The following MTOR variants were observed in gnomAD, a reference collection of about 807,000 sequenced individuals.
The protein encoded by MTOR is serine/threonine-protein kinase mTOR.
MTOR carries 70 observed loss-of-function variants against 319.8 expected under a neutral mutation model. The observed-to-expected ratio is 0.22, with a 90% confidence interval of 0.18 to 0.27. The LOEUF (loss-of-function observed/expected upper bound fraction) is 0.27. MTOR is among the 10% of genes least tolerant of loss of function. The probability of loss-of-function intolerance (pLI) is 1.00; values close to 1 mark genes in which losing one functional copy is unlikely to be tolerated. For synonymous variants in MTOR, 1,183 were observed against 1,211.4 expected, an observed-to-expected ratio of 0.98 and a Z score of 0.49; for missense variants, 1,890 against 3,274.4, an observed-to-expected ratio of 0.58 and a Z score of 10.32.
intron 28 of MTOR, among the ~76,000 whole-genome samples, chr1:11,180,062 C>A (rs973355910): frequency 2.6e-5 from 4 of 152,118 alleles, no homozygotes; most frequent in Non-Finnish European, 5.9e-5. Flanking sequence ...CAAGCGCATG[C>A]CATCATGCCC....
At chr1:11,161,507 C>T (rs1644476730) in intron 29 of MTOR, among the ~76,000 whole-genome samples, 2 of 152,158 alleles carry the variant, frequency 1.3e-5, no homozygotes, top group Admixed American at 6.5e-5. Context: ...CTCTGACCCC[C>T]CAGTAGCCTA....
At chr1:11,245,349 TC>T in intron 8 of MTOR, among the ~76,000 whole-genome samples, 1 of 152,188 alleles carries the variant, frequency 6.6e-6, no homozygotes, top group East Asian at 1.9e-4. Flanking sequence ...AAACCACACA[TC>T]CCTTAGGAAG....
intron 28 of MTOR, among the ~76,000 whole-genome samples, chr1:11,193,394 G>T (rs1353311580): frequency 1.3e-5 from 2 of 152,124 alleles, no homozygotes; most frequent in Non-Finnish European, 2.9e-5. Flanking sequence ...TTCTTCCAGA[G>T]CAATGCACCA....
chr1:11,237,699 T>C (rs1367988378), intron 13 of MTOR, 144 bp downstream of exon 13: 4 of 810,972 alleles, frequency 4.9e-6, no homozygotes, highest in South Asian at 3.4e-5. Flanking sequence ...GGGAAACATT[T>C]GGACCTTTGC....
rs1440257956 is a variant in MTOR, at chr1:11,108,256, T to C, written c.7559A>G (p.Asp2520Gly). 1.9e-6 allele frequency: 3 copies of C among 1,613,916 alleles called. No homozygotes were observed. The highest frequency in any genetic ancestry group is 2.5e-6 in the Non-Finnish European group (3 of 1,179,840). The change falls in exon 57 of 58, where the codon GAT becomes GGT. Residue 2520 changes from aspartate (D) to glycine (G), a missense_variant. Coordinates refer to ENST00000361445, the MANE Select transcript of MTOR (RefSeq NM_004958.4). ...GRDFSHDDTL[D>G]VPTQVELLIK... Reference sequence around the variant, plus strand: ...GAGCAGCTCAACTTGCGTTGGAACATCCAAAGTGTCATCATGAGAGAAGTC... The same window carrying C: ...GAGCAGCTCAACTTGCGTTGGAACACCCAAAGTGTCATCATGAGAGAAGTC...
intron 19 of MTOR, among the ~76,000 whole-genome samples, chr1:11,220,879 G>T (rs1393950033): frequency 6.6e-6 from 1 of 152,128 alleles, no homozygotes; most frequent in Admixed American, 6.5e-5. Flanking sequence ...AATAATAAAG[G>T]AAGGAAGAAA....
At position 11,238,745 on chromosome 1, in the gene MTOR, C is replaced by T. The variant is rs147285788; in HGVS notation, c.1787-128G>A. 423 of 713,978 alleles carry T rather than the reference C, an allele frequency of 5.9e-4. No homozygotes were observed. In the African/African-American group the frequency reaches 7.0e-3, roughly 12 times the overall value. 44.2% of individuals were successfully genotyped at this position (713,978 alleles called of 1,614,324 possible). On this transcript the variant is annotated intron_variant, in intron 11 of 57. Coordinates refer to ENST00000361445, the MANE Select transcript of MTOR (RefSeq NM_004958.4). ...ACTTTCAACTAGATATTGATCAATACGATACTGACCCGGAACTCTTCTTTT... is the reference window on the plus strand; with the variant it reads ...ACTTTCAACTAGATATTGATCAATATGATACTGACCCGGAACTCTTCTTTT...
chr1:11,235,318 C>A (rs1020716988), intron 13 of MTOR, among the ~76,000 whole-genome samples: 2 of 152,094 alleles, frequency 1.3e-5, no homozygotes, highest in Non-Finnish European at 2.9e-5. Context: ...TGACCAAGAC[C>A]GCAAGAAAGG....
chr1:11,216,784 C>T (rs1646486302), intron 19 of MTOR, among the ~76,000 whole-genome samples: 2 of 152,120 alleles, frequency 1.3e-5, no homozygotes, highest in South Asian at 4.1e-4. Context: ...CTCATTTAAC[C>T]TCCCTGTGCC....
At chr1:11,141,027 A>T (rs1048058202) in intron 34 of MTOR, among the ~76,000 whole-genome samples, 1 of 149,044 alleles carries the variant, frequency 6.7e-6, no homozygotes, top group East Asian at 2.0e-4. Context: ...GTATGTTGGC[A>T]TCTTAGATTC....
chr1:11,200,573 T>C (rs1397618516), intron 26 of MTOR, among the ~76,000 whole-genome samples: 4 of 152,196 alleles, frequency 2.6e-5, no homozygotes, highest in South Asian at 2.1e-4. Context: ...CTACAATGGA[T>C]AGATTTAGCA....
chr1:11,115,299 T>A lies in MTOR; in HGVS notation c.7089+97A>T. ...TGGTAGGGCCAGCAGGGGTTAAGAG[T>A]AAGGCAGTTTGGGCTTAAGTCTGCC... is the stretch of plus-strand genomic sequence containing the variant. On this transcript the variant is annotated intron_variant, in intron 51 of 57. Coordinates refer to ENST00000361445, the MANE Select transcript of MTOR (RefSeq NM_004958.4). This position sits in a 1 kb window ranked among gnomAD's most constrained non-coding sequence, Gnocchi z 4.5. The A allele has an allele frequency of 8.6e-7, 1 of 1,167,702 alleles. No individual in the cohort carries two copies. Among genetic ancestry groups the A allele is most frequent in the East Asian group, 2.3e-5 (1 of 42,634 alleles). 72.3% of individuals were successfully genotyped at this position (1,167,702 alleles called of 1,614,324 possible).
intron 19 of MTOR, among the ~76,000 whole-genome samples, chr1:11,225,871 C>T (rs1646818795): frequency 6.6e-6 from 1 of 152,160 alleles, no homozygotes; most frequent in Admixed American, 6.5e-5. Context: ...AGTTTTATCA[C>T]TTAGACAAAA....
At chr1:11,254,726 A>G (rs974363317) in intron 5 of MTOR, among the ~76,000 whole-genome samples, 18 of 151,972 alleles carry the variant, frequency 1.2e-4, no homozygotes, top group African/African-American at 4.3e-4. Context: ...TGATTTTGAG[A>G]CACCTATTTT....
chr1:11,181,880 T>G (rs532481271), intron 28 of MTOR, among the ~76,000 whole-genome samples: 1 of 152,352 alleles, frequency 6.6e-6, no homozygotes, highest in East Asian at 1.9e-4. Context: ...ACATGTTCTT[T>G]GCTTTCGCAG....
intron 18 of MTOR, among the ~76,000 whole-genome samples, chr1:11,229,765 A>G (rs1646958695): frequency 6.6e-6 from 1 of 152,162 alleles, no homozygotes; most frequent in Non-Finnish European, 1.5e-5. Context: ...ACCCTCCTGC[A>G]ACCCCATACC....
chr1:11,118,401 T>C (rs1642305959), intron 49 of MTOR, among the ~76,000 whole-genome samples: 2 of 151,462 alleles, frequency 1.3e-5, no homozygotes, highest in Admixed American at 1.3e-4. Context: ...CATGCCCAGC[T>C]AATTTTTGTA....
chr1:11,210,028 C>T (rs576786128), intron 24 of MTOR, among the ~76,000 whole-genome samples: 2 of 152,214 alleles, frequency 1.3e-5, no homozygotes, highest in South Asian at 2.1e-4. Context: ...CCACCATGCC[C>T]GGCTAATTTT....
At chr1:11,184,927 T>C (rs1645266778) in intron 28 of MTOR, among the ~76,000 whole-genome samples, 1 of 152,212 alleles carries the variant, frequency 6.6e-6, no homozygotes. Flanking sequence ...TAGCTTCTGC[T>C]GCCATTCTTC....
Sources: gnomAD v4.1 joint callset for allele counts (sites outside exome capture counted in the v4.1 genomes callset) on GRCh38, gnomAD v4.1.1 for gene constraint, Gnocchi (gnomAD v3.1) non-coding constraint, MANE v1.5 for transcripts, NCBI Gene and HGNC (gene_info 2026-07-23, HGNC 2026-07-21) for gene names.